The following NRG3 variants were observed in gnomAD, a reference collection of about 807,000 sequenced individuals.
NRG3 encodes the protein neuregulin 3.
A neutral mutation model predicts 66.9 loss-of-function variants in NRG3; 31 were observed. The observed-to-expected ratio is 0.46, with a 90% CI of 0.35 to 0.63. The LOEUF (loss-of-function observed/expected upper bound fraction) is 0.63. Among genes scored for constraint, NRG3 ranks in the 20% least tolerant of loss-of-function variants. NRG3 has a pLI of 0.00. For missense variants in NRG3, 910 were observed against 878.9 expected, an observed-to-expected ratio of 1.04 and a Z score of -0.45; for synonymous variants, 393 against 359.4, an observed-to-expected ratio of 1.09 and a Z score of -1.06.
In NRG3 at chr10:82,304,896, G is replaced by A. The variant is rs2080624719; in HGVS notation, c.824-53843G>A. ...GGGAGGGATTATACCAAGAATCTTGGGAGCTATCTTAAAATATTGACTATC... is the reference window on the plus strand; with the variant it reads ...GGGAGGGATTATACCAAGAATCTTGAGAGCTATCTTAAAATATTGACTATC... On this transcript the variant is annotated intron_variant, in intron 1 of 8. Coordinates refer to ENST00000372141, the MANE Select transcript of NRG3 (RefSeq NM_001010848.4). 5.3e-5 allele frequency among the ~76,000 whole-genome samples: 8 copies of A among 151,618 alleles called. No homozygotes were observed. In the South Asian group the frequency reaches 1.7e-3, roughly 32 times the overall value.
chr10:82,860,990 A>G (rs767875533), intron 3 of NRG3, among the ~76,000 whole-genome samples: 97 of 152,316 alleles, frequency 6.4e-4, no homozygotes, highest in Non-Finnish European at 9.0e-4. Flanking sequence ...TGATCTGTGT[A>G]TGACTCAAAT....
At chr10:82,026,866 G>A (rs2062336684) in intron 1 of NRG3, among the ~76,000 whole-genome samples, 1 of 151,828 alleles carries the variant, frequency 6.6e-6, no homozygotes, top group South Asian at 2.1e-4. Flanking sequence ...GGCAAAAAAA[G>A]CTGTTGTTCC....
At chr10:82,836,024 A>G (rs1325127186) in intron 3 of NRG3, among the ~76,000 whole-genome samples, 1 of 152,190 alleles carries the variant, frequency 6.6e-6, no homozygotes, top group Admixed American at 6.6e-5. Context: ...ATGGCTGACA[A>G]GCTAAGAATG....
chr10:82,681,455 A>C (rs2054107015), intron 2 of NRG3, among the ~76,000 whole-genome samples: 1 of 152,256 alleles, frequency 6.6e-6, no homozygotes, highest in East Asian at 1.9e-4. Flanking sequence ...AAACAATTTC[A>C]GAATAACTCA....
chr10:82,380,393 G>T (rs934942062), intron 2 of NRG3, among the ~76,000 whole-genome samples: 2 of 152,096 alleles, frequency 1.3e-5, no homozygotes, highest in Non-Finnish European at 2.9e-5. Flanking sequence ...TCTATAATCT[G>T]CCCAGAAACA....
intron 2 of NRG3, among the ~76,000 whole-genome samples, chr10:82,712,441 C>T (rs776479564): frequency 3.9e-5 from 6 of 152,132 alleles, no homozygotes; most frequent in Non-Finnish European, 7.3e-5. Context: ...AATCTCAAAC[C>T]TTCGGGTGCA....
intron 2 of NRG3, among the ~76,000 whole-genome samples, chr10:82,444,291 CG>C (rs2090599505): frequency 6.6e-6 from 1 of 152,014 alleles, no homozygotes; most frequent in African/African-American, 2.4e-5. Flanking sequence ...TTAGTAGAGA[CG>C]GGGTTTCACC....
At chr10:82,470,312 G>A (rs1240533970) in intron 2 of NRG3, among the ~76,000 whole-genome samples, 1 of 152,222 alleles carries the variant, frequency 6.6e-6, no homozygotes, top group East Asian at 1.9e-4. Context: ...TGAAAGATCT[G>A]TCCTCACTAC....
chr10:82,537,190 T>C (rs1336636195), intron 2 of NRG3, among the ~76,000 whole-genome samples: 2 of 152,024 alleles, frequency 1.3e-5, no homozygotes, highest in African/African-American at 4.8e-5. Flanking sequence ...ATATAAAATA[T>C]TATTATTTTT....
chr10:82,445,232 T>C (rs1317450481), intron 2 of NRG3, among the ~76,000 whole-genome samples: 1 of 152,080 alleles, frequency 6.6e-6, no homozygotes. Flanking sequence ...CCAAACTGTA[T>C]GTATCCCTTC....
chr10:82,886,931 A>G (rs756385784), intron 4 of NRG3, among the ~76,000 whole-genome samples: 1 of 152,238 alleles, frequency 6.6e-6, no homozygotes, highest in African/African-American at 2.4e-5. Context: ...TGAGGATTCC[A>G]TACAATTAGC....
chr10:82,086,742 T>G (rs2065750411), intron 1 of NRG3, among the ~76,000 whole-genome samples: 1 of 152,144 alleles, frequency 6.6e-6, no homozygotes, highest in African/African-American at 2.4e-5. Context: ...GCCATCATTT[T>G]ATGAAATTAG....
At chr10:82,887,034 A>G (rs969577048) in intron 4 of NRG3, among the ~76,000 whole-genome samples, 1 of 152,216 alleles carries the variant, frequency 6.6e-6, no homozygotes, top group African/African-American at 2.4e-5. Flanking sequence ...ATGTCTCGGG[A>G]AATGTCTCAC....
intron 2 of NRG3, among the ~76,000 whole-genome samples, chr10:82,517,651 GTGTGTGTGTGTGTGTGTGCA>G (rs1845800326): frequency 8.0e-6 from 1 of 125,552 alleles, no homozygotes; most frequent in African/African-American, 3.8e-5. Flanking sequence ...GTGTTTGTGT[GTGTGTGTGTGTGTGTGTGCA>G]TGTGTGTGTG....
chr10:82,295,907 C>CAAA (rs72023797), intron 1 of NRG3, among the ~76,000 whole-genome samples: 89 of 150,614 alleles, frequency 5.9e-4, no homozygotes, highest in Non-Finnish European at 1.0e-3. Flanking sequence ...TAAAAAAGGA[C>CAAA]AAAAAAAACC....
chr10:82,370,814 A>G (rs988462847), intron 2 of NRG3, among the ~76,000 whole-genome samples: 1 of 152,172 alleles, frequency 6.6e-6, no homozygotes, highest in Non-Finnish European at 1.5e-5. Flanking sequence ...AAAGCCAAAG[A>G]CAGTGTTTCC....
At chr10:82,817,420 G>T (rs1000410266) in intron 3 of NRG3, among the ~76,000 whole-genome samples, 1 of 152,218 alleles carries the variant, frequency 6.6e-6, no homozygotes, top group Non-Finnish European at 1.5e-5. Context: ...TGCAAATTGC[G>T]ATTTCATATA....
chr10:82,353,063 G>A lies in NRG3; in HGVS notation c.824-5676G>A, dbSNP rs773882594. 4.6e-5 allele frequency among the ~76,000 whole-genome samples: 7 copies of A among 152,120 alleles called. No homozygotes were observed. In the East Asian group the frequency reaches 1.3e-3, roughly 29 times the overall value. Reference sequence around the variant, plus strand: ...AGAATCAAGAGTATTTGGTGATTGCGCATGCAGGATCAAGAGAATGGCTAC... The same window carrying A: ...AGAATCAAGAGTATTTGGTGATTGCACATGCAGGATCAAGAGAATGGCTAC... On this transcript the variant is annotated intron_variant, in intron 1 of 8. Transcript: ENST00000372141.
chr10:81,976,689 T>C (rs560522933), intron 1 of NRG3, among the ~76,000 whole-genome samples: 1 of 152,296 alleles, frequency 6.6e-6, no homozygotes, highest in South Asian at 2.1e-4. Flanking sequence ...AAATGCCACA[T>C]TTATTGTTCT....
Sources: gnomAD v4.1 joint callset for allele counts (sites outside exome capture counted in the v4.1 genomes callset) on GRCh38, gnomAD v4.1.1 for gene constraint, MANE v1.5 for transcripts, NCBI Gene and HGNC (gene_info 2026-07-23, HGNC 2026-07-21) for gene names.